The following PACRG variants were observed in gnomAD, a reference collection of about 807,000 sequenced individuals.
The protein encoded by PACRG is parkin coregulated.
Under a neutral mutation model 29.7 loss-of-function variants are expected in PACRG, and 29 were observed. The observed-to-expected ratio is 0.98, with a 90% CI of 0.73 to 1.33. PACRG has a LOEUF of 1.33. PACRG is among the 40% of genes most tolerant of loss of function. The probability of loss-of-function intolerance (pLI) is 0.00; values close to 1 mark genes in which losing one functional copy is unlikely to be tolerated. For missense variants in PACRG, 279 were observed against 316.2 expected, an observed-to-expected ratio of 0.88 and a Z score of 0.89; for synonymous variants, 116 against 118.7, an observed-to-expected ratio of 0.98 and a Z score of 0.15.
intron 2 of PACRG, among the ~76,000 whole-genome samples, chr6:162,866,583 T>C (rs1792314421): frequency 6.6e-6 from 1 of 152,104 alleles, no homozygotes; most frequent in African/African-American, 2.4e-5. Context: ...ATTCCATGTT[T>C]ATTTCAAGAG....
In PACRG at chr6:163,313,869, G is replaced by A. The variant is rs140873501; in HGVS notation, c.614-958G>A. Reference sequence around the variant, plus strand: ...ACCTAGGAGTGGAATACAACAGAAAGCGTGGAATGACTATCGTTAGAGAAA... The same window carrying A: ...ACCTAGGAGTGGAATACAACAGAAAACGTGGAATGACTATCGTTAGAGAAA... On this transcript the variant is annotated intron_variant, in intron 4 of 4. Transcript: ENST00000366888. 2.1e-4 allele frequency: 32 copies of A among 152,364 alleles called. 1 individual carries two copies. In the East Asian group the frequency reaches 6.2e-3, roughly 29 times the overall value. 9.4% of individuals were successfully genotyped at this position (152,364 alleles called of 1,614,324 possible). A position where few individuals can be genotyped will look rare whatever the true frequency, so the allele number is the denominator to read the frequency against.
Position 163,115,619 on chromosome 6 carries a change from C to T in PACRG, c.613+26211C>T, listed in dbSNP as rs567838165. ...AACCTGAAGGATGAAAACTGATTGA[C>T]GGACTTGAGTTGAAAATAAAAACAA... is the stretch of plus-strand genomic sequence containing the variant. On this transcript the variant is annotated intron_variant, in intron 4 of 4. Coordinates refer to ENST00000366888, the MANE Select transcript of PACRG (RefSeq NM_001080379.2). Among the ~76,000 whole-genome samples, 460 of 150,922 alleles carry T rather than the reference C, an allele frequency of 3.0e-3. 1 individual carries two copies. The highest frequency in any genetic ancestry group is 5.7e-3 in the Non-Finnish European group (388 of 67,840).
chr6:162,955,460 C>G (rs550911268), intron 2 of PACRG, among the ~76,000 whole-genome samples: 98 of 152,090 alleles, frequency 6.4e-4, no homozygotes, highest in African/African-American at 2.3e-3. Context: ...CCACCACACC[C>G]GGCTAATTTT....
intron 1 of PACRG, among the ~76,000 whole-genome samples, chr6:162,799,224 A>G (rs943195289): frequency 3.9e-5 from 6 of 152,224 alleles, no homozygotes; most frequent in Non-Finnish European, 7.3e-5. Context: ...TTACTAAAAA[A>G]TAATAAAATG....
At chr6:163,133,472 C>A (rs1046577064) in intron 4 of PACRG, among the ~76,000 whole-genome samples, 2 of 152,166 alleles carry the variant, frequency 1.3e-5, no homozygotes, top group South Asian at 4.1e-4. Context: ...CTAAATCTTC[C>A]TAAAACAGAA....
intron 2 of PACRG, among the ~76,000 whole-genome samples, chr6:162,913,686 T>G (rs532719430): frequency 4.1e-4 from 62 of 152,352 alleles, no homozygotes; most frequent in African/African-American, 1.3e-3. Context: ...TAGCAGCGTT[T>G]GAGAGTCTCA....
chr6:162,829,647 A>C, intron 2 of PACRG, among the ~76,000 whole-genome samples: 1 of 152,162 alleles, frequency 6.6e-6, no homozygotes, highest in East Asian at 1.9e-4. Flanking sequence ...AAAAATTCAT[A>C]TTACCTAGCA....
intron 4 of PACRG, among the ~76,000 whole-genome samples, chr6:163,266,808 C>T (rs1009525505): frequency 2.0e-5 from 3 of 152,086 alleles, no homozygotes; most frequent in Middle Eastern, 3.2e-3. Context: ...ATATCCCAGC[C>T]GTCAAATGTC....
At chr6:162,741,404 C>T (rs1464773023) in intron 1 of PACRG, among the ~76,000 whole-genome samples, 2 of 152,146 alleles carry the variant, frequency 1.3e-5, no homozygotes, top group Non-Finnish European at 2.9e-5. Context: ...GGTCAAGGTG[C>T]CACCATTTTG....
intron 4 of PACRG, among the ~76,000 whole-genome samples, chr6:163,277,327 TC>T (rs1164201961): frequency 6.6e-6 from 1 of 151,994 alleles, no homozygotes; most frequent in Non-Finnish European, 1.5e-5. Flanking sequence ...ATAGTTTAGC[TC>T]CCATGTATGA....
intron 2 of PACRG, among the ~76,000 whole-genome samples, chr6:162,939,456 T>G (rs1382790376): frequency 6.6e-6 from 1 of 152,188 alleles, no homozygotes; most frequent in Non-Finnish European, 1.5e-5. Context: ...AGTATCTCAT[T>G]TGGGCCCAGA....
At chr6:163,011,320 G>A (rs560130128) in intron 2 of PACRG, among the ~76,000 whole-genome samples, 25 of 152,314 alleles carry the variant, frequency 1.6e-4, no homozygotes, top group South Asian at 8.3e-4. Flanking sequence ...CGGTGTAGCC[G>A]ATTGCCCCCA....
intron 4 of PACRG, chr6:163,189,738 C>G (rs1252847091): frequency 6.6e-6 from 1 of 152,240 alleles, no homozygotes; most frequent in East Asian, 1.9e-4. Flanking sequence ...TACTTAAATG[C>G]AGCCATCCAG....
At chr6:163,296,718 G>A (rs1784790664) in intron 4 of PACRG, among the ~76,000 whole-genome samples, 2 of 152,298 alleles carry the variant, frequency 1.3e-5, no homozygotes, top group South Asian at 4.1e-4. Flanking sequence ...GCAGAGATAT[G>A]TGCAGCCCAG....
intron 1 of PACRG, among the ~76,000 whole-genome samples, chr6:162,793,523 G>T (rs1056245297): frequency 1.3e-5 from 2 of 152,074 alleles, no homozygotes; most frequent in Non-Finnish European, 2.9e-5. Context: ...TTCATGGTTG[G>T]AACATGGTGC....
chr6:163,196,254 G>C (rs930183175), intron 4 of PACRG, among the ~76,000 whole-genome samples: 1 of 152,198 alleles, frequency 6.6e-6, no homozygotes, highest in Non-Finnish European at 1.5e-5. Flanking sequence ...TGCTGCTCAC[G>C]GACAGCGCCC....
chr6:162,780,205 G>T (rs1783990273), intron 1 of PACRG, among the ~76,000 whole-genome samples: 1 of 152,142 alleles, frequency 6.6e-6, no homozygotes, highest in South Asian at 2.1e-4. Context: ...CCAATAGCCA[G>T]AGTGGAAAAC....
At chr6:163,305,181 G>A (rs927569802) in intron 4 of PACRG, among the ~76,000 whole-genome samples, 1 of 152,216 alleles carries the variant, frequency 6.6e-6, no homozygotes, top group Non-Finnish European at 1.5e-5. Context: ...ATTCCAGCAA[G>A]AACTGTTGGA....
intron 2 of PACRG, among the ~76,000 whole-genome samples, chr6:163,043,483 C>T (rs1265463626): frequency 6.6e-6 from 1 of 151,874 alleles, no homozygotes; most frequent in Non-Finnish European, 1.5e-5. Context: ...ACCCAGGAGG[C>T]GGAGCTTGCA....
Sources: allele counts gnomAD v4.1 joint callset (sites outside exome capture counted in the v4.1 genomes callset), GRCh38; gene constraint gnomAD v4.1.1; transcripts MANE v1.5; gene names NCBI Gene and HGNC (gene_info 2026-07-23, HGNC 2026-07-21).